Variants in CACNB2 observed in about 807,000 individuals in gnomAD.
The protein encoded by CACNB2 is calcium voltage-gated channel auxiliary subunit beta 2, also known as voltage-dependent L-type calcium channel subunit beta-2.
A neutral mutation model predicts 73.3 loss-of-function variants in CACNB2; 42 were observed. The ratio of observed to expected loss-of-function variants is 0.57; its 90% confidence interval spans 0.45 to 0.74. The LOEUF (loss-of-function observed/expected upper bound fraction) is 0.74. CACNB2 is among the 30% of genes least tolerant of loss of function. CACNB2 has a pLI of 0.00. For synonymous variants in CACNB2, 348 were observed against 310.3 expected, an observed-to-expected ratio of 1.12 and a Z score of -1.28; for missense variants, 940 against 853.0, an observed-to-expected ratio of 1.10 and a Z score of -1.27.
intron 2 of CACNB2, among the ~76,000 whole-genome samples, chr10:18,216,721 C>A (rs1174050042): frequency 2.6e-5 from 4 of 152,196 alleles, no homozygotes; most frequent in African/African-American, 7.2e-5. Flanking sequence ...TCTCTCATAA[C>A]CCCTCATGGC....
chr10:18,535,385 T>C (rs1428086062), intron 11 of CACNB2, among the ~76,000 whole-genome samples: 7 of 152,106 alleles, frequency 4.6e-5, no homozygotes, highest in African/African-American at 9.7e-5. Flanking sequence ...TTGCAGCAGG[T>C]TGACTGTAGA....
chr10:18,450,777 C>G (rs958280700), intron 3 of CACNB2, among the ~76,000 whole-genome samples: 2 of 151,954 alleles, frequency 1.3e-5, no homozygotes, highest in Non-Finnish European at 2.9e-5. Context: ...TGTGCACCAC[C>G]ATGACTGGCT....
chr10:18,212,363 G>T (rs2035351941), intron 2 of CACNB2, among the ~76,000 whole-genome samples: 1 of 151,766 alleles, frequency 6.6e-6, no homozygotes, highest in Non-Finnish European at 1.5e-5. Context: ...CATATATTGT[G>T]TTTTTTTGCT....
intron 2 of CACNB2, among the ~76,000 whole-genome samples, chr10:18,370,951 A>ATT (rs2042556270): frequency 6.6e-6 from 1 of 152,294 alleles, no homozygotes; most frequent in Admixed American, 6.5e-5. Context: ...TTACCTAAAT[A>ATT]TTTTACGTGC....
intron 2 of CACNB2, among the ~76,000 whole-genome samples, chr10:18,317,627 A>G (rs779403798): frequency 2.0e-5 from 3 of 152,162 alleles, no homozygotes; most frequent in Non-Finnish European, 4.4e-5. Context: ...TTCTTTATCC[A>G]GTGCACCAGC....
At chr10:18,534,456 C>G (rs1171634550) in intron 11 of CACNB2, among the ~76,000 whole-genome samples, 1 of 152,066 alleles carries the variant, frequency 6.6e-6, no homozygotes, top group South Asian at 2.1e-4. Flanking sequence ...TTTAGAGGGT[C>G]CATTTAGTCA....
At chr10:18,203,510 A>G (rs2034970202) in intron 2 of CACNB2, among the ~76,000 whole-genome samples, 1 of 152,054 alleles carries the variant, frequency 6.6e-6, no homozygotes, top group South Asian at 2.1e-4. Flanking sequence ...AAAATGCTCT[A>G]TTTTTCCACA....
intron 2 of CACNB2, among the ~76,000 whole-genome samples, chr10:18,183,949 T>C (rs1468978776): frequency 1.3e-5 from 2 of 152,174 alleles, no homozygotes; most frequent in Non-Finnish European, 2.9e-5. Flanking sequence ...GCTCCGTTGC[T>C]CCTCTGTGCA....
intron 9 of CACNB2, among the ~76,000 whole-genome samples, chr10:18,526,463 G>T (rs1356153175): frequency 6.6e-6 from 1 of 152,142 alleles, no homozygotes; most frequent in African/African-American, 2.4e-5. Context: ...TATTGTGAGG[G>T]GGCAGTGGAG....
At chr10:18,402,153 T>G (rs957421503) in intron 3 of CACNB2, 110 bp downstream of exon 3, 1 of 1,256,136 alleles carries the variant, frequency 8.0e-7, no homozygotes, top group African/African-American at 1.5e-5. Context: ...AGAATTTCAT[T>G]GTCTGGTTTT....
intron 2 of CACNB2, among the ~76,000 whole-genome samples, chr10:18,373,916 G>A (rs537869157): frequency 1.3e-5 from 2 of 152,292 alleles, no homozygotes; most frequent in South Asian, 2.1e-4. Context: ...AGAGAATACA[G>A]TGTGGGAGGA....
chr10:18,378,241 A>C (rs1247211154), intron 2 of CACNB2, among the ~76,000 whole-genome samples: 2 of 152,180 alleles, frequency 1.3e-5, no homozygotes. Flanking sequence ...ATACTCAACC[A>C]ATGACAGTGT....
chr10:18,167,015 G>A (rs973158673), intron 2 of CACNB2, among the ~76,000 whole-genome samples: 1 of 152,160 alleles, frequency 6.6e-6, no homozygotes, highest in Non-Finnish European at 1.5e-5. Flanking sequence ...AATAAGACTG[G>A]AAATCCTGGA....
intron 9 of CACNB2, 41 bp from the exon 10 acceptor site, chr10:18,527,547 C>T (rs2052601569): frequency 2.3e-6 from 3 of 1,302,162 alleles, no homozygotes; most frequent in East Asian, 2.3e-5. Flanking sequence ...TTTGATTAGA[C>T]CAATAACCTT....
chr10:18,283,670 G>A (rs979265967), intron 2 of CACNB2, among the ~76,000 whole-genome samples: 3 of 137,260 alleles, frequency 2.2e-5, no homozygotes, highest in Middle Eastern at 3.6e-3. Flanking sequence ...GGCCTGTCAT[G>A]AGTTTGGGGG....
At chr10:18,208,326 A>G (rs2035179808) in intron 2 of CACNB2, among the ~76,000 whole-genome samples, 1 of 152,102 alleles carries the variant, frequency 6.6e-6, no homozygotes, top group Non-Finnish European at 1.5e-5. Context: ...CTTTTTTTTA[A>G]TTAGTGGAAT....
intron 2 of CACNB2, among the ~76,000 whole-genome samples, chr10:18,151,832 A>C (rs1267651310): frequency 6.6e-6 from 1 of 152,112 alleles, no homozygotes; most frequent in African/African-American, 2.4e-5. Flanking sequence ...CTTGTCAATG[A>C]CAGCTCACTC....
At chr10:18,329,619 T>A (rs1476576330) in intron 2 of CACNB2, among the ~76,000 whole-genome samples, 1 of 152,020 alleles carries the variant, frequency 6.6e-6, no homozygotes, top group African/African-American at 2.4e-5. Context: ...TAAGTGTGCG[T>A]TTAGAAAGTT....
chr10:18,186,831 C>G (rs950769212), intron 2 of CACNB2, among the ~76,000 whole-genome samples: 1 of 152,180 alleles, frequency 6.6e-6, no homozygotes, highest in Non-Finnish European at 1.5e-5. Flanking sequence ...CAGATCCAAA[C>G]CATATCACTT....
Sources: allele counts gnomAD v4.1 joint callset (sites outside exome capture counted in the v4.1 genomes callset), GRCh38; gene constraint gnomAD v4.1.1; transcripts MANE v1.5; gene names NCBI Gene and HGNC (gene_info 2026-07-23, HGNC 2026-07-21).